FBXW7: variants seen among roughly 807,000 people sequenced by gnomAD.
FBXW7 encodes F-box/WD repeat-containing protein 7.
A neutral mutation model predicts 86.3 loss-of-function variants in FBXW7; 11 were observed. The ratio of observed to expected loss-of-function variants is 0.13; its 90% confidence interval spans 0.08 to 0.21. FBXW7 has a LOEUF of 0.21. Ranked by LOEUF, FBXW7 falls within the 10% of genes least tolerant of loss-of-function variation. FBXW7 has a pLI of 1.00. For synonymous variants in FBXW7, 313 were observed against 297.9 expected (o/e 1.05, Z -0.52); for missense variants, 488 against 847.4 (o/e 0.58, Z 5.27).
At chr4:152,341,418 C>T (rs1560779252) in intron 6 of FBXW7, among the ~76,000 whole-genome samples, 1 of 152,190 alleles carries the variant, frequency 6.6e-6, no homozygotes, top group Non-Finnish European at 1.5e-5. Flanking sequence ...TGAGCAACCT[C>T]TCTAAAATTG....
rs887060410 is a variant in FBXW7 at position 152,321,340 on chromosome 4, T to C, written c.*1541A>G. On this transcript the variant is annotated 3_prime_UTR_variant, in exon 14 of 14. Coordinates refer to ENST00000281708, the MANE Select transcript of FBXW7 (RefSeq NM_001349798.2). Reference sequence around the variant, plus strand: ...TGAATCAAACCATAGACACAATCCCTTTAAAGGTTGTTTTCCTCCATCATG... The same window carrying C: ...TGAATCAAACCATAGACACAATCCCCTTAAAGGTTGTTTTCCTCCATCATG... The C allele has an allele frequency of 3.0e-5, 7 of 232,824 alleles. No individual in the cohort carries two copies. The highest frequency in any genetic ancestry group is 1.5e-4 in the African/African-American group (7 of 45,318). 14.4% of individuals were successfully genotyped at this position (232,824 alleles called of 1,614,324 possible). A position where few individuals can be genotyped will look rare whatever the true frequency, so the allele number is the denominator to read the frequency against.
intron 3 of FBXW7, among the ~76,000 whole-genome samples, chr4:152,412,255 A>T (rs1020763309): frequency 6.6e-6 from 1 of 152,148 alleles, no homozygotes; most frequent in Non-Finnish European, 1.5e-5. Context: ...TGTATCAAAA[A>T]AAATTTTCAG....
At chr4:152,385,912 A>G (rs1302963846) in intron 4 of FBXW7, among the ~76,000 whole-genome samples, 2 of 152,058 alleles carry the variant, frequency 1.3e-5, no homozygotes, top group Non-Finnish European at 2.9e-5. Flanking sequence ...TTCCAAATAT[A>G]TATACTACAA....
intron 4 of FBXW7, among the ~76,000 whole-genome samples, chr4:152,404,898 G>C (rs1015237609): frequency 3.3e-5 from 5 of 151,970 alleles, no homozygotes; most frequent in African/African-American, 1.2e-4. Context: ...TTTGAGACCA[G>C]GGTGGGCAAC....
intron 4 of FBXW7, among the ~76,000 whole-genome samples, chr4:152,355,677 CCAA>C (rs1392758203): frequency 1.3e-5 from 2 of 152,072 alleles, no homozygotes; most frequent in Non-Finnish European, 2.9e-5. Flanking sequence ...AAGGGAATGA[CCAA>C]CAATAAGGTC....
intron 12 of FBXW7, 43 bp downstream of exon 12, chr4:152,325,963 G>A (rs1728980174): frequency 6.6e-7 from 1 of 1,516,608 alleles, no homozygotes; most frequent in East Asian, 2.3e-5. Context: ...ACAACCTTAT[G>A]ATTCATCAGG....
intron 4 of FBXW7, among the ~76,000 whole-genome samples, chr4:152,372,153 T>C (rs1440393189): frequency 6.6e-6 from 1 of 152,036 alleles, no homozygotes; most frequent in African/African-American, 2.4e-5. Context: ...ACTATCATTG[T>C]ATTATATGGT....
intron 2 of FBXW7, among the ~76,000 whole-genome samples, chr4:152,434,204 G>A (rs7695145): frequency 1.3e-3 from 202 of 152,192 alleles, no homozygotes; most frequent in Non-Finnish European, 2.3e-3. Flanking sequence ...AGTGTCGTAC[G>A]GACAGCTGAG....
At position 152,386,524 on chromosome 4, in the gene FBXW7, A is replaced by C. The variant is rs749071012; in HGVS notation, c.501+24779T>G. Among the ~76,000 whole-genome samples, 7 of 152,166 alleles carry C rather than the reference A, an allele frequency of 4.6e-5. No individual in the cohort carries two copies. In the South Asian group the frequency reaches 1.2e-3, roughly 27 times the overall value. On this transcript the variant is annotated intron_variant, in intron 4 of 13. Coordinates refer to ENST00000281708, the MANE Select transcript of FBXW7 (RefSeq NM_001349798.2). ...TTGTAGATTACATTTCCAATTTTAA[A>C]ATCACCAGGAAATAAAGCAGATTCT...
intron 2 of FBXW7, among the ~76,000 whole-genome samples, chr4:152,443,348 T>TA (rs1457845499): frequency 6.6e-6 from 1 of 152,206 alleles, no homozygotes; most frequent in Non-Finnish European, 1.5e-5. Context: ...GCTGTTACTT[T>TA]AATTAAGCTA....
At chr4:152,392,374 T>G (rs771561073) in intron 4 of FBXW7, among the ~76,000 whole-genome samples, 6 of 152,142 alleles carry the variant, frequency 3.9e-5, no homozygotes, top group Non-Finnish European at 8.8e-5. Context: ...AGTCCTGATG[T>G]GCTGGCTAAG....
At chr4:152,417,909 T>C (rs987594589) in intron 2 of FBXW7, among the ~76,000 whole-genome samples, 1 of 151,824 alleles carries the variant, frequency 6.6e-6, no homozygotes, top group Non-Finnish European at 1.5e-5. Flanking sequence ...CAAAGGACAA[T>C]AGGAGGGTAG....
At chr4:152,530,114 T>C (rs553452444) in intron 2 of FBXW7, among the ~76,000 whole-genome samples, 1 of 148,598 alleles carries the variant, frequency 6.7e-6, no homozygotes, top group South Asian at 2.1e-4. Context: ...TGTATATATA[T>C]ACGTGTACAT....
chr4:152,462,856 CAAGTTAA>C (rs988252551), intron 2 of FBXW7, among the ~76,000 whole-genome samples: 6 of 151,642 alleles, frequency 4.0e-5, no homozygotes, highest in Non-Finnish European at 4.4e-5. Context: ...TTCCTTCCAC[CAAGTTAA>C]AATCTTTACC....
chr4:152,335,029 G>A (rs1027864462), intron 7 of FBXW7, among the ~76,000 whole-genome samples: 1 of 152,126 alleles, frequency 6.6e-6, no homozygotes, highest in Non-Finnish European at 1.5e-5. Flanking sequence ...AAACTGCCAA[G>A]CCAAAAAGAG....
At chr4:152,392,402 C>T (rs1397275341) in intron 4 of FBXW7, among the ~76,000 whole-genome samples, 4 of 152,078 alleles carry the variant, frequency 2.6e-5, no homozygotes, top group Non-Finnish European at 5.9e-5. Context: ...TTCAGGCCAC[C>T]ATGCTCTGAA....
intron 2 of FBXW7, among the ~76,000 whole-genome samples, chr4:152,430,475 C>A (rs2126946937): frequency 1.3e-5 from 2 of 149,680 alleles, no homozygotes; most frequent in East Asian, 3.9e-4. Flanking sequence ...TTTATTTGTA[C>A]ATACAGAAGG....
intron 2 of FBXW7, among the ~76,000 whole-genome samples, chr4:152,427,885 C>CT (rs1408083050): frequency 6.6e-6 from 1 of 152,186 alleles, no homozygotes; most frequent in Non-Finnish European, 1.5e-5. Flanking sequence ...CCATTAACTT[C>CT]TTAACATGTA....
intron 10 of FBXW7, 79 bp from the exon 11 acceptor site, chr4:152,328,468 T>C (rs928835839): frequency 2.1e-5 from 21 of 994,468 alleles, no homozygotes; most frequent in African/African-American, 2.0e-4. Flanking sequence ...TCATTAAAAT[T>C]TGGAGTAAAG....
Sources: allele counts gnomAD v4.1 joint callset (sites outside exome capture counted in the v4.1 genomes callset), GRCh38; gene constraint gnomAD v4.1.1; transcripts MANE v1.5; gene names NCBI Gene and HGNC (gene_info 2026-07-23, HGNC 2026-07-21).